PHACTR2: variants seen among roughly 807,000 people sequenced by gnomAD.
PHACTR2 encodes chromosome 6 open reading frame 56.
PHACTR2 carries 30 observed loss-of-function variants against 76.0 expected under a neutral mutation model. The observed-to-expected ratio is 0.39, with a 90% CI of 0.30 to 0.54. PHACTR2 has a LOEUF of 0.54. Among genes scored for constraint, PHACTR2 ranks in the 20% least tolerant of loss-of-function variants. The pLI is 0.61. For synonymous variants in PHACTR2, 292 were observed against 292.5 expected (o/e 1.00, Z 0.02); for missense variants, 696 against 781.1 (o/e 0.89, Z 1.30).
chr6:143,778,296 C>T (rs532175411), intron 9 of PHACTR2, among the ~76,000 whole-genome samples: 2 of 152,276 alleles, frequency 1.3e-5, no homozygotes, highest in Admixed American at 6.5e-5. Flanking sequence ...TAGAAGACCC[C>T]TCTTCTCCAA....
rs1328410509 is a variant in PHACTR2 at position 143,621,472 on chromosome 6, C to T, written c.13+13150C>T. ...ACAAGGAAGCTCACCTGTCAAGCAC[C>T]AACGCTTTATTTTAATTGGTATTTT... On this transcript the variant is annotated intron_variant, in intron 1 of 11. Transcript: ENST00000305766. The surrounding 1 kb of genome is among the most constrained non-coding windows in gnomAD (Gnocchi z 4.1). Among the ~76,000 whole-genome samples, 1 of 152,126 alleles carries T rather than the reference C, an allele frequency of 6.6e-6. No individual in the cohort carries two copies.
chr6:143,726,988 A>G (rs150587064), intron 2 of PHACTR2, among the ~76,000 whole-genome samples: 97 of 152,292 alleles, frequency 6.4e-4, no homozygotes, highest in African/African-American at 2.3e-3. Flanking sequence ...TGTAATATAC[A>G]ATACATTGTT....
chr6:143,803,463 GT>G lies in PHACTR2; in HGVS notation c.1846-3591del, dbSNP rs1157108920. 1.3e-5 allele frequency among the ~76,000 whole-genome samples: 2 copies of G among 152,134 alleles called. No homozygotes were observed. Among genetic ancestry groups the G allele is most frequent in the Non-Finnish European group, 2.9e-5 (2 of 68,022 alleles). ...CTCAGGAGGCTGAGGTGGGAGAATT[GT>G]TTGAACCCAGGAGGCAGAGGTTGCA... On this transcript the variant is annotated intron_variant, in intron 11 of 12. Transcript: ENST00000440869. This position sits in a 1 kb window ranked among gnomAD's most constrained non-coding sequence, Gnocchi z 4.7.
chr6:143,720,474 G>T (rs1315084202), intron 2 of PHACTR2, among the ~76,000 whole-genome samples: 1 of 152,160 alleles, frequency 6.6e-6, no homozygotes, highest in African/African-American at 2.4e-5. Flanking sequence ...AGAGAATCCT[G>T]GGAAGTCATC....
rs1778112252 is a variant in PHACTR2 at position 143,709,074 on chromosome 6, T to C, written c.47-2942T>C. Among the ~76,000 whole-genome samples the C allele has an allele frequency of 6.6e-6, 1 of 152,182 alleles. No homozygotes were observed. Among genetic ancestry groups the C allele is most frequent in the African/African-American group, 2.4e-5 (1 of 41,450 alleles). On this transcript the variant is annotated intron_variant, in intron 1 of 12. Transcript: ENST00000440869. This position sits in a 1 kb window ranked among gnomAD's most constrained non-coding sequence, Gnocchi z 4.4. ...TCTTCATGAAGAAGTAAAACCATAC[T>C]CTCAGTTCCCCCTGGGTTTGCCCTC...
Position 143,597,321 on chromosome 6 carries a change from A to G in PHACTR2, c.217+60114A>G, listed in dbSNP as rs1374719200. Among the ~76,000 whole-genome samples, 1 of 152,182 alleles carries G rather than the reference A, an allele frequency of 6.6e-6. No homozygotes were observed. The highest frequency in any genetic ancestry group is 6.5e-5 in the Admixed American group (1 of 15,278). ...TCAGTGGTTTTGCTTTTTTGCCTTG[A>G]GCAGTTGTACGGAAACATAATACTG... is the stretch of plus-strand genomic sequence containing the variant. On this transcript the variant is annotated intron_variant, in intron 1 of 11. Coordinates refer to the PHACTR2 transcript ENST00000367584. This position sits in a 1 kb window ranked among gnomAD's most constrained non-coding sequence, Gnocchi z 5.7.
chr6:143,537,113 TC>T lies in PHACTR2; in HGVS notation c.126del (p.Asp44ThrfsTer38). The stretch of plus-strand genomic sequence containing the variant: ...CGGCGGCGCCTGCCCTGCGCTGGCT[TC>T]CCGGGGACCCGAGCCCCCGCGGCCG... On this transcript the variant is annotated frameshift_variant, in exon 1 of 12. Coordinates refer to the PHACTR2 transcript ENST00000367584. LOFTEE classifies it high-confidence loss of function. This position sits in a 1 kb window ranked among gnomAD's most constrained non-coding sequence, Gnocchi z 4.4. The T allele has an allele frequency of 6.8e-6, 2 of 294,220 alleles. No individual in the cohort carries two copies. Among genetic ancestry groups the T allele is most frequent in the East Asian group, 1.8e-4 (2 of 10,918 alleles). 18.2% of individuals were successfully genotyped at this position (294,220 alleles called of 1,614,324 possible).
At chr6:143,712,950 A>C (rs1778213527) in intron 2 of PHACTR2, among the ~76,000 whole-genome samples, 1 of 152,236 alleles carries the variant, frequency 6.6e-6, no homozygotes, top group African/African-American at 2.4e-5. Context: ...CAATTTAAAC[A>C]AGTGTTAGTG....
rs551908308 is a variant in PHACTR2 at position 143,654,900 on chromosome 6, G to T, written c.13+46578G>T. 6.6e-6 allele frequency among the ~76,000 whole-genome samples: 1 copy of T among 152,172 alleles called. No individual in the cohort carries two copies. The highest frequency in any genetic ancestry group is 1.5e-5 in the Non-Finnish European group (1 of 68,032). ...TAGCCGGGCACTGTGGCTCACGCCT[G>T]TAATCCCAGCACTTTGGGAGGCCGA... On this transcript the variant is annotated intron_variant, in intron 1 of 11. Transcript: ENST00000305766. The surrounding 1 kb of genome is among the most constrained non-coding windows in gnomAD (Gnocchi z 4.6).
intron 2 of PHACTR2, among the ~76,000 whole-genome samples, chr6:143,712,661 A>T (rs116769836): frequency 0.01 from 1,580 of 152,194 alleles, 11 homozygotes; most frequent in Admixed American, 0.013. Flanking sequence ...AAACTTTTTT[A>T]AAAATGTATT....
At chr6:143,607,046 G>C (rs945846187), upstream of PHACTR2, among the ~76,000 whole-genome samples, 2 of 152,172 alleles carry the variant, frequency 1.3e-5, no homozygotes, top group Admixed American at 1.3e-4. Flanking sequence ...GTTACAATGG[G>C]AAACTAGACT....
rs1327678840 is a variant in PHACTR2 at position 143,678,440 on chromosome 6, A to G, written c.46+231A>G. Among the ~76,000 whole-genome samples the G allele has an allele frequency of 6.8e-6, 1 of 147,974 alleles. No homozygotes were observed. The highest frequency in any genetic ancestry group is 1.5e-5 in the Non-Finnish European group (1 of 66,278). On this transcript the variant is annotated intron_variant, in intron 1 of 12. Coordinates refer to ENST00000440869, the MANE Select transcript of PHACTR2 (RefSeq NM_001100164.2). This position sits in a 1 kb window ranked among gnomAD's most constrained non-coding sequence, Gnocchi z 6.2. ...CACAGGCTCCATTTTTCTGTGCGCG[A>G]TGCCTCGCTGTGGTTTTTTATCCAA...
At position 143,582,376 on chromosome 6, in the gene PHACTR2, A is replaced by G. The variant is rs569102661; in HGVS notation, c.217+45169A>G. ...TAGAAAAATTAGATTCTAAATTACC[A>G]GAGACAAGCAGGATACCAGGAAGAC... On this transcript the variant is annotated intron_variant, in intron 1 of 11. Transcript: ENST00000367584. Among the ~76,000 whole-genome samples, 27 of 152,272 alleles carry G rather than the reference A, an allele frequency of 1.8e-4. 1 individual carries two copies. The highest frequency in any genetic ancestry group is 8.3e-4 in the South Asian group (4 of 4,822).
rs1195798697 is a variant in PHACTR2 at position 143,656,905 on chromosome 6, T to C, written c.13+48583T>C. 6.6e-6 allele frequency among the ~76,000 whole-genome samples: 1 copy of C among 152,148 alleles called. No individual in the cohort carries two copies. Among genetic ancestry groups the C allele is most frequent in the African/African-American group, 2.4e-5 (1 of 41,444 alleles). The stretch of plus-strand genomic sequence containing the variant: ...ATTGGCCACACGAAAATTTAAATAT[T>C]ATGAATGTTGAATGGCCAACCATAA... On this transcript the variant is annotated intron_variant, in intron 1 of 11. Coordinates refer to the PHACTR2 transcript ENST00000305766. The surrounding 1 kb of genome is among the most constrained non-coding windows in gnomAD (Gnocchi z 5.3).
At position 143,695,769 on chromosome 6, in the gene PHACTR2, G is replaced by C. The variant is rs1017185242; in HGVS notation, c.47-16247G>C. 1.3e-5 allele frequency among the ~76,000 whole-genome samples: 2 copies of C among 152,164 alleles called. No individual in the cohort carries two copies. The highest frequency in any genetic ancestry group is 2.9e-5 in the Non-Finnish European group (2 of 68,024). ...TTACTTAAAATATCTGAAGTTAATG[G>C]AATCATAAAACAGATCTTTCTTTTC... On this transcript the variant is annotated intron_variant, in intron 1 of 12. Transcript: ENST00000440869. The surrounding 1 kb of genome is among the most constrained non-coding windows in gnomAD (Gnocchi z 4.4).
At position 143,774,555 on chromosome 6, in the gene PHACTR2, C is replaced by A. The variant is rs1252164278; in HGVS notation, c.1589+340C>A. On this transcript the variant is annotated intron_variant, in intron 8 of 12. Coordinates refer to ENST00000440869, the MANE Select transcript of PHACTR2 (RefSeq NM_001100164.2). The surrounding 1 kb of genome is among the most constrained non-coding windows in gnomAD (Gnocchi z 5.4). Reference sequence around the variant, plus strand: ...AAAGCAGCCATAAATAATAGATAAACAAATGAGTGTGGCCATGTTCCAATA... The same window carrying A: ...AAAGCAGCCATAAATAATAGATAAAAAAATGAGTGTGGCCATGTTCCAATA... Among the ~76,000 whole-genome samples the A allele has an allele frequency of 6.6e-6, 1 of 152,184 alleles. No homozygotes were observed. Among genetic ancestry groups the A allele is most frequent in the Non-Finnish European group, 1.5e-5 (1 of 68,030 alleles).
At chr6:143,587,645 GA>G (rs1775643767) in intron 1 of PHACTR2, among the ~76,000 whole-genome samples, 1 of 152,150 alleles carries the variant, frequency 6.6e-6, no homozygotes, top group Admixed American at 6.6e-5. Flanking sequence ...TTAAAGGTAA[GA>G]GTTTTCTATT....
chr6:143,740,490 A>G (rs1221407789), intron 2 of PHACTR2, among the ~76,000 whole-genome samples: 2 of 142,092 alleles, frequency 1.4e-5, no homozygotes, highest in Non-Finnish European at 3.0e-5. Flanking sequence ...AACAACTATT[A>G]CAAAACATCC....
rs1032614432 is a variant in PHACTR2 at position 143,664,142 on chromosome 6, A to G, written c.14-47874A>G. ...GTTAGATTATAATTTTTGTCATTAC[A>G]CTATATAATATGTCCCTCTATACTA... On this transcript the variant is annotated intron_variant, in intron 1 of 11. Transcript: ENST00000305766. The surrounding 1 kb of genome is among the most constrained non-coding windows in gnomAD (Gnocchi z 5.1). Among the ~76,000 whole-genome samples, 5 of 152,034 alleles carry G rather than the reference A, an allele frequency of 3.3e-5. No homozygotes were observed. Among genetic ancestry groups the G allele is most frequent in the South Asian group, 2.1e-4 (1 of 4,814 alleles).
Sources: gnomAD v4.1 joint callset for allele counts (sites outside exome capture counted in the v4.1 genomes callset) on GRCh38, gnomAD v4.1.1 for gene constraint, Gnocchi (gnomAD v3.1) non-coding constraint, MANE v1.5 for transcripts, NCBI Gene and HGNC (gene_info 2026-07-23, HGNC 2026-07-21) for gene names.